The following RCSD1 variants were observed in gnomAD, a reference collection of about 807,000 sequenced individuals.
The protein encoded by RCSD1 is RCSD domain containing 1, also known as capZ-interacting protein.
RCSD1 carries 26 observed loss-of-function variants against 42.5 expected under a neutral mutation model. The ratio of observed to expected loss-of-function variants is 0.61; its 90% confidence interval spans 0.45 to 0.85. The LOEUF (loss-of-function observed/expected upper bound fraction) is 0.85, where lower values mean the gene tolerates loss of function less well. Ranked by LOEUF, RCSD1 falls within the 40% of genes least tolerant of loss-of-function variation. The pLI, the probability that RCSD1 is intolerant of heterozygous loss-of-function variation, is 0.00. For synonymous variants in RCSD1, 220 were observed against 212.2 expected (o/e 1.04, Z -0.32); for missense variants, 571 against 528.3 (o/e 1.08, Z -0.79).
Position 167,694,468 on chromosome 1 carries a change from T to A in RCSD1, c.474+166T>A, listed in dbSNP as rs180909237. 3.3e-5 allele frequency among the ~76,000 whole-genome samples: 5 copies of A among 152,276 alleles called. No individual in the cohort carries two copies. In the East Asian group the frequency reaches 7.7e-4, roughly 23 times the overall value. Reference sequence around the variant, plus strand: ...AATTTCTCCTCTCCTTTGCAAATGATCCCTGAACTAGGATCACCTTTTTCC... The same window carrying A: ...AATTTCTCCTCTCCTTTGCAAATGAACCCTGAACTAGGATCACCTTTTTCC... On this transcript the variant is annotated intron_variant, in intron 5 of 6. Coordinates refer to ENST00000367854, the MANE Select transcript of RCSD1 (RefSeq NM_052862.4).
chr1:167,702,387 A>T (rs775162197), intron 6 of RCSD1, among the ~76,000 whole-genome samples: 1 of 152,250 alleles, frequency 6.6e-6, no homozygotes, highest in Non-Finnish European at 1.5e-5. Context: ...GGCAAGCTGG[A>T]CGTATCAAGT....
intron 2 of RCSD1, among the ~76,000 whole-genome samples, chr1:167,684,782 G>C (rs750010539): frequency 2.0e-5 from 3 of 152,208 alleles, no homozygotes; most frequent in Admixed American, 6.5e-5. Flanking sequence ...GCTGAGGCAG[G>C]AGAATCGCTT....
chr1:167,685,475 C>A lies in RCSD1; in HGVS notation c.163C>A (p.Pro55Thr). ...ACCGCCCTGTTCCCTCCCCCTGTTC[C>A]CCCCCAAGGTAGACCTGGGCCAGAA... ...RKPPCSLPLF[P>T]PKVDLGQNGE... Residue 55 changes from proline to threonine, a missense_variant, in exon 3 of 7, where the codon CCC (proline) becomes ACC (threonine). Physicochemically the swap from Pro to Thr is conservative, Grantham distance 38. Coordinates refer to ENST00000367854, the MANE Select transcript of RCSD1 (RefSeq NM_052862.4). 1 of 1,613,854 alleles carries A rather than the reference C, an allele frequency of 6.2e-7. No homozygotes were observed. Among genetic ancestry groups the A allele is most frequent in the Non-Finnish European group, 8.5e-7 (1 of 1,179,892 alleles).
chr1:167,691,505 C>T (rs1455643228), intron 4 of RCSD1, among the ~76,000 whole-genome samples: 1 of 152,218 alleles, frequency 6.6e-6, no homozygotes, highest in African/African-American at 2.4e-5. Context: ...GGTTCCTGTT[C>T]TCACCCCACC....
intron 3 of RCSD1, among the ~76,000 whole-genome samples, chr1:167,687,522 CAAA>C (rs111700732): frequency 5.6e-5 from 5 of 88,498 alleles, no homozygotes. Context: ...GACTCCGTCT[CAAA>C]AAAAAAAAAA....
chr1:167,686,858 CT>C (rs1659247850), intron 3 of RCSD1, among the ~76,000 whole-genome samples: 1 of 152,238 alleles, frequency 6.6e-6, no homozygotes, highest in African/African-American at 2.4e-5. Context: ...AGACTGCCCC[CT>C]GATAGCCTGG....
At chr1:167,636,962 C>T (rs549875038) in intron 1 of RCSD1, among the ~76,000 whole-genome samples, 13 of 152,288 alleles carry the variant, frequency 8.5e-5, no homozygotes, top group African/African-American at 2.6e-4. Flanking sequence ...TAAAGGGGTA[C>T]GTATCTACCA....
intron 1 of RCSD1, among the ~76,000 whole-genome samples, chr1:167,654,801 G>A (rs1658386963): frequency 6.6e-6 from 1 of 152,092 alleles, no homozygotes; most frequent in Admixed American, 6.6e-5. Context: ...GCAGCCTGAA[G>A]TTCAGTAACT....
chr1:167,650,706 A>G (rs141446855), intron 1 of RCSD1, among the ~76,000 whole-genome samples: 4 of 152,338 alleles, frequency 2.6e-5, no homozygotes, highest in Non-Finnish European at 5.9e-5. Flanking sequence ...AAAAGCACCA[A>G]TTAAGCACAA....
rs1659150556 is a variant in RCSD1 at position 167,683,946 on chromosome 1, C to A, written c.53C>A (p.Pro18His). The A allele has an allele frequency of 6.2e-7, 1 of 1,614,100 alleles. No homozygotes were observed. Among genetic ancestry groups the A allele is most frequent in the South Asian group, 1.1e-5 (1 of 91,090 alleles). The change falls in exon 2 of 7, where the codon CCC becomes CAC. Residue 18 changes from proline (P) to histidine (H), a missense_variant. Physicochemically the swap from Pro to His is moderately conservative, Grantham distance 77. Transcript: ENST00000367854. ...GCCAATGTGGACAACTCGGCGTCCC[C>A]CTCGGTGGCCCAGCTGGCCGGGCGG... ...TNANVDNSAS[P>H]SVAQLAGRFR...
At chr1:167,692,160 T>C (rs2101716437) in intron 4 of RCSD1, among the ~76,000 whole-genome samples, 1 of 152,340 alleles carries the variant, frequency 6.6e-6, no homozygotes, top group East Asian at 1.9e-4. Flanking sequence ...GAATGACAAC[T>C]TAGCCAAATC....
At chr1:167,631,865 C>A (rs773622040) in intron 1 of RCSD1, among the ~76,000 whole-genome samples, 1 of 152,186 alleles carries the variant, frequency 6.6e-6, no homozygotes, top group Non-Finnish European at 1.5e-5. Flanking sequence ...ATAAGTTTGT[C>A]CTTTAGAGAA....
Position 167,705,689 on chromosome 1 carries a change from C to G in RCSD1, c.*993C>G, listed in dbSNP as rs1025054596. ...TTCTTAGTTTCCCTGGGAAGCTTTTCTTGACTCACAGCCCAGGTTCTTCTG... is the reference window on the plus strand; with the variant it reads ...TTCTTAGTTTCCCTGGGAAGCTTTTGTTGACTCACAGCCCAGGTTCTTCTG... On this transcript the variant is annotated 3_prime_UTR_variant, in exon 7 of 7. Coordinates refer to ENST00000367854, the MANE Select transcript of RCSD1 (RefSeq NM_052862.4). 3.9e-5 allele frequency: 6 copies of G among 152,170 alleles called. No homozygotes were observed. Among genetic ancestry groups the G allele is most frequent in the African/African-American group, 1.4e-4 (6 of 41,430 alleles). The allele number at this position is 152,170 out of a possible 1,614,324, so 9.4% of individuals were successfully genotyped here.
chr1:167,675,487 C>T (rs114933015), intron 1 of RCSD1, among the ~76,000 whole-genome samples: 12 of 152,082 alleles, frequency 7.9e-5, no homozygotes, highest in African/African-American at 2.9e-4. Context: ...CCCACCTGGT[C>T]CCTCCTATTA....
chr1:167,693,031 G>A (rs1388840932), intron 4 of RCSD1, among the ~76,000 whole-genome samples: 1 of 152,132 alleles, frequency 6.6e-6, no homozygotes, highest in South Asian at 2.1e-4. Context: ...AAAGGCTGTT[G>A]GACTTGCTGA....
At chr1:167,665,911 C>A (rs1386752257) in intron 1 of RCSD1, among the ~76,000 whole-genome samples, 1 of 152,012 alleles carries the variant, frequency 6.6e-6, no homozygotes, top group African/African-American at 2.4e-5. Context: ...TCCCAGGTTC[C>A]AGAGATTCTC....
At chr1:167,651,682 C>T (rs974714099) in intron 1 of RCSD1, among the ~76,000 whole-genome samples, 5 of 152,178 alleles carry the variant, frequency 3.3e-5, no homozygotes, top group African/African-American at 1.2e-4. Flanking sequence ...TGCCATCCTG[C>T]AAGTAATTTT....
intron 3 of RCSD1, among the ~76,000 whole-genome samples, chr1:167,688,962 G>A (rs1372385221): frequency 2.0e-5 from 3 of 152,040 alleles, no homozygotes; most frequent in East Asian, 1.9e-4. Flanking sequence ...GGGATTTTAC[G>A]CAAAACACAG....
intron 5 of RCSD1, among the ~76,000 whole-genome samples, chr1:167,694,756 G>C (rs1223332802): frequency 3.3e-5 from 5 of 152,178 alleles, no homozygotes; most frequent in Non-Finnish European, 7.4e-5. Flanking sequence ...TCCCAGTGTG[G>C]ACTCAAATCA....
Sources: gnomAD v4.1 joint callset for allele counts (sites outside exome capture counted in the v4.1 genomes callset) on GRCh38, gnomAD v4.1.1 for gene constraint, MANE v1.5 for transcripts, NCBI Gene and HGNC (gene_info 2026-07-23, HGNC 2026-07-21) for gene names.